Variants in PPP2R2C observed in about 807,000 individuals in gnomAD.
PPP2R2C encodes protein phosphatase 2 regulatory subunit Bgamma.
PPP2R2C carries 10 observed loss-of-function variants against 45.3 expected under a neutral mutation model. The ratio of observed to expected loss-of-function variants is 0.22; its 90% CI spans 0.14 to 0.37. PPP2R2C has a LOEUF of 0.37. PPP2R2C is among the 10% of genes least tolerant of loss of function. PPP2R2C has a pLI of 1.00. For missense variants in PPP2R2C, 308 were observed against 619.7 expected (o/e 0.50, Z 5.34); for synonymous variants, 257 against 245.4 (o/e 1.05, Z -0.44).
intron 2 of PPP2R2C, among the ~76,000 whole-genome samples, chr4:6,532,475 G>C (rs1448471342): frequency 6.6e-6 from 1 of 152,222 alleles, no homozygotes; most frequent in Non-Finnish European, 1.5e-5. Flanking sequence ...CAGAAACAAA[G>C]GGGCAGAACT....
chr4:6,488,641 A>C (rs190901420), intron 2 of PPP2R2C, among the ~76,000 whole-genome samples: 66 of 152,242 alleles, frequency 4.3e-4, no homozygotes, highest in African/African-American at 1.6e-3. Context: ...CCATGATTAC[A>C]CCACTGCACT....
intron 6 of PPP2R2C, among the ~76,000 whole-genome samples, chr4:6,334,712 A>T (rs1388288508): frequency 6.6e-6 from 1 of 152,176 alleles, no homozygotes; most frequent in Non-Finnish European, 1.5e-5. Flanking sequence ...GCCATTCACC[A>T]GCCAATCTGG....
At chr4:6,494,600 C>A (rs12643897) in intron 2 of PPP2R2C, among the ~76,000 whole-genome samples, 1 of 152,028 alleles carries the variant, frequency 6.6e-6, no homozygotes, top group Non-Finnish European at 1.5e-5. Context: ...AACTCAGACA[C>A]TCACAGCCCA....
intron 6 of PPP2R2C, among the ~76,000 whole-genome samples, chr4:6,334,503 G>A (rs1034144797): frequency 1.3e-5 from 2 of 152,164 alleles, no homozygotes; most frequent in African/African-American, 4.8e-5. Flanking sequence ...TGGCCTTCCT[G>A]AGCTGCAGAA....
At chr4:6,535,683 C>T (rs747010768) in intron 1 of PPP2R2C, among the ~76,000 whole-genome samples, 4 of 152,238 alleles carry the variant, frequency 2.6e-5, no homozygotes, top group Non-Finnish European at 4.4e-5. Context: ...TCAAACTTCA[C>T]CCCGCAGCAG....
At chr4:6,454,359 T>A (rs564122056) in intron 1 of PPP2R2C, among the ~76,000 whole-genome samples, 35 of 152,262 alleles carry the variant, frequency 2.3e-4, no homozygotes, top group African/African-American at 7.9e-4. Context: ...GGTGACACAA[T>A]TGACACTGAG....
At chr4:6,338,817 C>G (rs1329070473) in intron 6 of PPP2R2C, among the ~76,000 whole-genome samples, 1 of 152,200 alleles carries the variant, frequency 6.6e-6, no homozygotes, top group African/African-American at 2.4e-5. Context: ...CCCGTAGCCC[C>G]TGCCCCGCCA....
chr4:6,476,378 G>T (rs772511101), upstream of PPP2R2C, among the ~76,000 whole-genome samples: 20 of 152,174 alleles, frequency 1.3e-4, no homozygotes, highest in Non-Finnish European at 2.5e-4. Flanking sequence ...TCTTTGAGAG[G>T]TGATTAGGTC....
chr4:6,338,828 T>C (rs950463827), intron 6 of PPP2R2C, among the ~76,000 whole-genome samples: 21 of 152,088 alleles, frequency 1.4e-4, no homozygotes, highest in African/African-American at 4.3e-4. Flanking sequence ...TGCCCCGCCA[T>C]GTGCTGGGCA....
intron 1 of PPP2R2C, among the ~76,000 whole-genome samples, chr4:6,553,795 C>A (rs1239965394): frequency 6.6e-6 from 1 of 152,170 alleles, no homozygotes; most frequent in Non-Finnish European, 1.5e-5. Context: ...CCCCGTGGAT[C>A]CTCTGGGCCC....
chr4:6,509,161 GA>G (rs1723342621), intron 2 of PPP2R2C, among the ~76,000 whole-genome samples: 3 of 152,196 alleles, frequency 2.0e-5, no homozygotes, highest in Non-Finnish European at 2.9e-5. Context: ...AAAACAGCTT[GA>G]ACTTCTCAGA....
chr4:6,382,427 T>A, intron 1 of PPP2R2C: 1 of 1,351,884 alleles, frequency 7.4e-7, no homozygotes, highest in Non-Finnish European at 9.8e-7. Flanking sequence ...CAGCCTCTGT[T>A]CTCCCTCTGG....
At chr4:6,536,503 C>G (rs150971402) in intron 1 of PPP2R2C, among the ~76,000 whole-genome samples, 2 of 152,206 alleles carry the variant, frequency 1.3e-5, no homozygotes, top group African/African-American at 4.8e-5. Context: ...TGTGTCCACT[C>G]ATCATTTTAA....
At chr4:6,449,089 T>C (rs1446150624) in intron 1 of PPP2R2C, among the ~76,000 whole-genome samples, 2 of 152,030 alleles carry the variant, frequency 1.3e-5, no homozygotes, top group African/African-American at 4.8e-5. Context: ...TAAAAACACA[T>C]AGCCCCACGC....
At chr4:6,527,027 C>T (rs1339465291) in intron 2 of PPP2R2C, among the ~76,000 whole-genome samples, 1 of 152,138 alleles carries the variant, frequency 6.6e-6, no homozygotes, top group African/African-American at 2.4e-5. Flanking sequence ...GGCTTCAATG[C>T]GGAGGAGAAG....
chr4:6,437,363 A>C (rs1407637346), intron 1 of PPP2R2C, among the ~76,000 whole-genome samples: 1 of 152,238 alleles, frequency 6.6e-6, no homozygotes, highest in African/African-American at 2.4e-5. Context: ...ACATCCCTTC[A>C]ACAACACAGG....
chr4:6,442,104 T>C (rs1050857708), intron 1 of PPP2R2C, among the ~76,000 whole-genome samples: 2 of 152,232 alleles, frequency 1.3e-5, no homozygotes, highest in Admixed American at 1.3e-4. Flanking sequence ...CTCTTTGATC[T>C]GGAAATGGCC....
At chr4:6,470,676 A>T (rs1398584113) in intron 1 of PPP2R2C, among the ~76,000 whole-genome samples, 2 of 152,144 alleles carry the variant, frequency 1.3e-5, no homozygotes, top group Non-Finnish European at 2.9e-5. Flanking sequence ...CTGCGAGCAG[A>T]AACCACATCC....
chr4:6,521,697 T>A (rs1443319000), intron 2 of PPP2R2C, among the ~76,000 whole-genome samples: 2 of 152,230 alleles, frequency 1.3e-5, no homozygotes, highest in Non-Finnish European at 2.9e-5. Context: ...CCGCTTCCCC[T>A]GGACTGGCCA....
Sources: allele counts gnomAD v4.1 joint callset (sites outside exome capture counted in the v4.1 genomes callset), GRCh38; gene constraint gnomAD v4.1.1; transcripts MANE v1.5; gene names NCBI Gene and HGNC (gene_info 2026-07-23, HGNC 2026-07-21).